MAN2A1: variants seen among roughly 807,000 people sequenced by gnomAD.
MAN2A1 encodes mannosidase alpha class 2A member 1.
In MAN2A1, 76 loss-of-function variants were observed where a neutral mutation model predicts 142.6. The observed-to-expected ratio is 0.53, with a 90% CI of 0.44 to 0.65. MAN2A1 has a LOEUF of 0.65. Ranked by LOEUF, MAN2A1 falls within the 30% of genes least tolerant of loss-of-function variation. The pLI is 0.00. For synonymous variants in MAN2A1, 559 were observed against 473.2 expected (o/e 1.18, Z -2.35); for missense variants, 1,311 against 1,365.1 (o/e 0.96, Z 0.62).
intron 1 of MAN2A1, among the ~76,000 whole-genome samples, chr5:109,712,231 C>T (rs1041628630): frequency 3.9e-5 from 6 of 151,972 alleles, no homozygotes; most frequent in African/African-American, 1.5e-4. Flanking sequence ...CCTTGTTGAA[C>T]TGACCAATAA....
In MAN2A1 at chr5:109,738,311, C is replaced by T. The variant is rs947025044; in HGVS notation, c.707+8798C>T. 4.0e-5 allele frequency among the ~76,000 whole-genome samples: 6 copies of T among 149,856 alleles called. No homozygotes were observed. In the East Asian group the frequency reaches 1.2e-3, roughly 30 times the overall value. ...AGCTCATTCATTCATTCAACAGACA[C>T]TTCCCGAACGTCTACTATGGGACAG... On this transcript the variant is annotated intron_variant, in intron 4 of 21. Coordinates refer to ENST00000261483, the MANE Select transcript of MAN2A1 (RefSeq NM_002372.4).
chr5:109,849,142 T>G (rs182513422), intron 19 of MAN2A1, among the ~76,000 whole-genome samples: 2 of 152,294 alleles, frequency 1.3e-5, no homozygotes, highest in Non-Finnish European at 2.9e-5. Flanking sequence ...CTAATAGTTC[T>G]CTACTCAGCC....
At chr5:109,819,082 A>G (rs142658576) in intron 13 of MAN2A1, among the ~76,000 whole-genome samples, 207 of 152,356 alleles carry the variant, frequency 1.4e-3, no homozygotes, top group African/African-American at 4.7e-3. Context: ...CCGTACTTCA[A>G]GTACCCATAC....
At chr5:109,794,951 C>A (rs1348522333) in intron 12 of MAN2A1, among the ~76,000 whole-genome samples, 1 of 151,866 alleles carries the variant, frequency 6.6e-6, no homozygotes, top group Non-Finnish European at 1.5e-5. Context: ...TGTCTGTAGT[C>A]TACTGGAGTG....
chr5:109,820,177 T>C (rs755948172), intron 14 of MAN2A1, 43 bp from the exon 15 acceptor site: 1 of 1,529,198 alleles, frequency 6.5e-7, no homozygotes, highest in Non-Finnish European at 9.0e-7. Flanking sequence ...ATGCTTAACA[T>C]CTTAGTGGTG....
In MAN2A1 at chr5:109,690,522, G is replaced by C; in HGVS notation, c.105G>C (p.Arg35Ser). Residue 35 changes from arginine (R) to serine (S), a missense_variant, in exon 1 of 22, where the codon AGG (arginine) becomes AGC (serine). Transcript: ENST00000261483. ...MLDRGHLDYP[R>S]NPRREGSFPQ... ...ACCGGGGTCACTTAGACTACCCCAGGAACCCGCGCCGCGAGGGCTCCTTCC... is the reference window on the plus strand; with the variant it reads ...ACCGGGGTCACTTAGACTACCCCAGCAACCCGCGCCGCGAGGGCTCCTTCC... 2 of 1,611,802 alleles carry C rather than the reference G, an allele frequency of 1.2e-6. No homozygotes were observed. Among genetic ancestry groups the C allele is most frequent in the Non-Finnish European group, 1.7e-6 (2 of 1,178,942 alleles).
intron 4 of MAN2A1, among the ~76,000 whole-genome samples, chr5:109,744,833 A>G (rs1035815250): frequency 6.6e-6 from 1 of 152,194 alleles, no homozygotes; most frequent in African/African-American, 2.4e-5. Context: ...GCTTTTTCCT[A>G]GTAACTTCAA....
chr5:109,853,877 T>TA (rs1181143613), intron 19 of MAN2A1: 2 of 152,212 alleles, frequency 1.3e-5, no homozygotes, highest in Admixed American at 1.3e-4. Flanking sequence ...CCCGATTTTT[T>TA]ATCAGTATCT....
intron 4 of MAN2A1, among the ~76,000 whole-genome samples, chr5:109,737,092 C>CTTTTTTTTTTT (rs10686903): frequency 8.9e-6 from 1 of 112,160 alleles, no homozygotes; most frequent in Admixed American, 1.1e-4. Flanking sequence ...ACTGTATACT[C>CTTTTTTTTTTT]TTTTTTTTTT....
intron 1 of MAN2A1, among the ~76,000 whole-genome samples, chr5:109,692,067 G>A (rs1561461990): frequency 6.6e-6 from 1 of 152,050 alleles, no homozygotes; most frequent in Non-Finnish European, 1.5e-5. Flanking sequence ...ATGTCCTTTG[G>A]CTTTGGCTTG....
intron 9 of MAN2A1, among the ~76,000 whole-genome samples, chr5:109,783,704 T>G (rs1273114628): frequency 7.1e-6 from 1 of 140,766 alleles, no homozygotes; most frequent in Non-Finnish European, 1.6e-5. Context: ...TATAGAACCT[T>G]CTTATACTTT....
chr5:109,809,965 TGCTGAGTTAAATATATTTATTCTGCTA>T (rs781566317), intron 12 of MAN2A1, among the ~76,000 whole-genome samples: 27 of 152,158 alleles, frequency 1.8e-4, no homozygotes, highest in Non-Finnish European at 3.2e-4. Flanking sequence ...ACTTCTCTTT[TGCTGAGTTAAATATATTTATTCTGCTA>T]TTGTTAAAGA....
rs143792709 is a variant in MAN2A1 at position 109,821,252 on chromosome 5, C to T, written c.2451+910C>T. The stretch of plus-strand genomic sequence containing the variant: ...TACATATTTTGTTTTTCATTTGTGA[C>T]AGTGCTCACAATCTGATGGTATGTT... On this transcript the variant is annotated intron_variant, in intron 15 of 21. Transcript: ENST00000261483. 1.9e-3 allele frequency among the ~76,000 whole-genome samples: 289 copies of T among 152,222 alleles called. 2 individuals are homozygous for T. Among genetic ancestry groups the T allele is most frequent in the African/African-American group, 6.6e-3 (276 of 41,538 alleles).
chr5:109,713,083 A>T (rs1040175975), intron 1 of MAN2A1, among the ~76,000 whole-genome samples: 4 of 152,080 alleles, frequency 2.6e-5, no homozygotes, highest in African/African-American at 9.7e-5. Flanking sequence ...GTGTTAAGGG[A>T]TTGAGATGGA....
chr5:109,705,171 T>C (rs1434164111), intron 1 of MAN2A1, among the ~76,000 whole-genome samples: 2 of 152,126 alleles, frequency 1.3e-5, no homozygotes, highest in Non-Finnish European at 2.9e-5. Context: ...AACTCATCTT[T>C]CTTGTCATTC....
intron 1 of MAN2A1, among the ~76,000 whole-genome samples, chr5:109,691,923 C>G (rs547441962): frequency 6.6e-6 from 1 of 152,274 alleles, no homozygotes; most frequent in African/African-American, 2.4e-5. Context: ...TTAAGCTTAG[C>G]TTGATATGTT....
chr5:109,709,604 A>C (rs530464132), intron 1 of MAN2A1, among the ~76,000 whole-genome samples: 14 of 152,308 alleles, frequency 9.2e-5, no homozygotes, highest in African/African-American at 3.4e-4. Flanking sequence ...CTGTAGATAC[A>C]CATTGATTGA....
At chr5:109,739,425 GTC>G (rs527797184) in intron 4 of MAN2A1, among the ~76,000 whole-genome samples, 15 of 152,026 alleles carry the variant, frequency 9.9e-5, no homozygotes, top group Non-Finnish European at 1.5e-4. Flanking sequence ...TGTGTCTCTA[GTC>G]TCTCTTTTTC....
intron 14 of MAN2A1, 82 bp downstream of exon 14, chr5:109,819,969 A>G (rs945172563): frequency 1.6e-4 from 171 of 1,039,262 alleles, no homozygotes; most frequent in Non-Finnish European, 2.2e-4. Flanking sequence ...GCAAAAGGGG[A>G]AAAAAGTCTT....
Sources: allele counts gnomAD v4.1 joint callset (sites outside exome capture counted in the v4.1 genomes callset), GRCh38; gene constraint gnomAD v4.1.1; transcripts MANE v1.5; gene names NCBI Gene and HGNC (gene_info 2026-07-23, HGNC 2026-07-21).